The following MMEL1 variants were observed in gnomAD, a reference collection of about 807,000 sequenced individuals.
The protein encoded by MMEL1 is membrane metalloendopeptidase like 1, also known as membrane metallo-endopeptidase-like 1.
Under a neutral mutation model 117.1 loss-of-function variants are expected in MMEL1, and 98 were observed. The ratio of observed to expected loss-of-function variants is 0.84; its 90% confidence interval spans 0.71 to 0.99. The LOEUF is 0.99. Among genes scored for constraint, MMEL1 ranks in the 50% least tolerant of loss-of-function variants. The pLI is 0.00. For synonymous variants in MMEL1, 390 were observed against 415.1 expected, an observed-to-expected ratio of 0.94 and a Z score of 0.74; for missense variants, 1,014 against 1,049.1, an observed-to-expected ratio of 0.97 and a Z score of 0.46.
chr1:2,593,059 C>A, intron 19 of MMEL1, 93 bp from the exon 20 acceptor site: 1 of 1,501,820 alleles, frequency 6.7e-7, no homozygotes, highest in Non-Finnish European at 9.1e-7. Context: ...TCCTGCCCCT[C>A]CTGCAGCCAG....
chr1:2,601,902 C>G, intron 11 of MMEL1, among the ~76,000 whole-genome samples: 1 of 152,334 alleles, frequency 6.6e-6, no homozygotes, highest in Middle Eastern at 3.4e-3. Flanking sequence ...CCAGCACGGG[C>G]GAGGGTGTGG....
At chr1:2,621,972 C>T (rs1031215923) in intron 2 of MMEL1, among the ~76,000 whole-genome samples, 24 of 152,146 alleles carry the variant, frequency 1.6e-4, no homozygotes, top group African/African-American at 5.3e-4. Flanking sequence ...GGCTGTGTCA[C>T]GGGCCATTGG....
At chr1:2,620,582 G>A (rs997197586) in intron 2 of MMEL1, among the ~76,000 whole-genome samples, 2 of 152,080 alleles carry the variant, frequency 1.3e-5, no homozygotes, top group Admixed American at 6.6e-5. Flanking sequence ...GATAGGGCCT[G>A]TGAGGAGGTT....
At chr1:2,591,856 G>C in intron 22 of MMEL1, 76 bp downstream of exon 22, 1 of 1,434,936 alleles carries the variant, frequency 7.0e-7, no homozygotes, top group Middle Eastern at 1.8e-4. Context: ...CTGGTCCCTG[G>C]AGGTGCCCCA....
At position 2,598,773 on chromosome 1, in the gene MMEL1, C is replaced by T. The variant is rs1644886294; in HGVS notation, c.1059G>A (p.Leu353=). The T allele has an allele frequency of 6.2e-7, 1 of 1,613,790 alleles. No individual in the cohort carries two copies. The highest frequency in any genetic ancestry group is 1.3e-5 in the African/African-American group (1 of 75,006). The stretch of plus-strand genomic sequence containing the variant: ...CAGAGGATAGCACAGTTTGTATGAA[C>T]AGAGTCCAGTTAAATCCCTGCAGAT... The part of the protein sequence containing the change: ...QFGLKGFNWT[L]FIQTVLSSVK... The change falls in exon 12 of 24, where the codon CTG becomes CTA. Residue 353 remains leucine, a synonymous_variant. Transcript: ENST00000378412.
chr1:2,632,403 A>C (rs1638634251), intron 1 of MMEL1, among the ~76,000 whole-genome samples: 1 of 152,202 alleles, frequency 6.6e-6, no homozygotes, highest in African/African-American at 2.4e-5. Flanking sequence ...TGAATGGATC[A>C]ATCATTTGGA....
At position 2,594,421 on chromosome 1, in the gene MMEL1, C is replaced by T. The variant is rs1219173499; in HGVS notation, c.1711G>A (p.Val571Ile). ...CGGTTTGGGGAGTAGAACGCATTGA[C>T]CACCGCCGCCCCGATGATCCAGCTG... ...PNLWIIGAAV[V>I]NAFYSPNRNQ... Residue 571 changes from valine (V) to isoleucine (I), a missense_variant, in exon 18 of 24, where the codon GTC (valine) becomes ATC (isoleucine). By Grantham distance (29) the Val-to-Ile change is conservative. Transcript: ENST00000378412. The T allele has an allele frequency of 3.9e-6, 6 of 1,551,490 alleles. No homozygotes were observed. The Admixed American group carries it at 1.2e-4, about 30-fold the overall frequency.
chr1:2,632,269 C>A (rs1266771424), intron 1 of MMEL1, among the ~76,000 whole-genome samples: 2 of 152,218 alleles, frequency 1.3e-5, no homozygotes, highest in Non-Finnish European at 2.9e-5. Flanking sequence ...TTCTGCAGCC[C>A]CCTGGGAACG....
intron 6 of MMEL1, among the ~76,000 whole-genome samples, chr1:2,609,138 C>A (rs560822463): frequency 6.6e-6 from 1 of 151,900 alleles, no homozygotes; most frequent in Admixed American, 6.6e-5. Context: ...TGAGTGAGGC[C>A]GCAGGGCAGC....
In MMEL1 at chr1:2,619,722, T is replaced by A. The variant is rs542696494; in HGVS notation, c.155-7518A>T. On this transcript the variant is annotated intron_variant, in intron 2 of 23. Coordinates refer to ENST00000378412, the MANE Select transcript of MMEL1 (RefSeq NM_033467.4). Reference sequence around the variant, plus strand: ...AATAAAAAATCAATTTGAAAAAGGATCCATTGTAAATTCTAGAAATAAAAC... The same window carrying A: ...AATAAAAAATCAATTTGAAAAAGGAACCATTGTAAATTCTAGAAATAAAAC... Among the ~76,000 whole-genome samples the A allele has an allele frequency of 1.4e-4, 20 of 146,942 alleles. No individual in the cohort carries two copies. The South Asian group carries it at 4.3e-3, about 32-fold the overall frequency.
rs1644831593 is a variant in MMEL1, at chr1:2,595,986, C to G, written c.1500+23G>C. 2 of 1,606,748 alleles carry G rather than the reference C, an allele frequency of 1.2e-6. No individual in the cohort carries two copies. The highest frequency in any genetic ancestry group is 8.5e-7 in the Non-Finnish European group (1 of 1,173,750). The stretch of plus-strand genomic sequence containing the variant: ...CGTGCCCAGATCCAGTCGGGGCTGC[C>G]CTGACCTCTGCGAGCCACATACCTT... On this transcript the variant is annotated intron_variant, in intron 15 of 23. Coordinates refer to ENST00000378412, the MANE Select transcript of MMEL1 (RefSeq NM_033467.4). The surrounding 1 kb of genome is among the most constrained non-coding windows in gnomAD (Gnocchi z 4.8).
chr1:2,620,778 G>GAA (rs111447157), intron 2 of MMEL1, among the ~76,000 whole-genome samples: 58,500 of 148,030 alleles, frequency 0.4, 12,165 homozygotes, highest in African/African-American at 0.51. Context: ...ATAAAATAAT[G>GAA]AAAAAAAAAA....
At chr1:2,602,947 T>A (rs116044447) in intron 11 of MMEL1, among the ~76,000 whole-genome samples, 3,526 of 152,180 alleles carry the variant, frequency 0.023, 127 homozygotes, top group African/African-American at 0.068. Flanking sequence ...CACCGGAACC[T>A]CGATCGAGAT....
At chr1:2,610,641 T>C (rs1645110322) in intron 4 of MMEL1, among the ~76,000 whole-genome samples, 1 of 152,234 alleles carries the variant, frequency 6.6e-6, no homozygotes, top group African/African-American at 2.4e-5. Context: ...GGGTTGGCTT[T>C]GCCCCAGGAA....
intron 6 of MMEL1, 65 bp from the exon 7 acceptor site, chr1:2,607,134 T>C (rs371875726): frequency 5.5e-6 from 8 of 1,446,968 alleles, no homozygotes. Flanking sequence ...GACACAGAAC[T>C]GTGGGGGCGC....
At chr1:2,600,722 G>GTTGT (rs1553139878) in intron 11 of MMEL1, among the ~76,000 whole-genome samples, 4 of 150,610 alleles carry the variant, frequency 2.7e-5, no homozygotes, top group Non-Finnish European at 4.4e-5. Context: ...CAACCCCCCT[G>GTTGT]TTTTTTTACA....
chr1:2,592,064 C>T, intron 21 of MMEL1, 37 bp from the exon 22 acceptor site: 1 of 1,550,150 alleles, frequency 6.5e-7, no homozygotes, highest in African/African-American at 1.4e-5. Flanking sequence ...TCAGGCCTGC[C>T]AGCCTGGACT....
Position 2,595,389 on chromosome 1 carries a change from G to A in MMEL1, c.1501-30C>T, listed in dbSNP as rs780173150. On this transcript the variant is annotated intron_variant, in intron 15 of 23. Transcript: ENST00000378412. This position sits in a 1 kb window ranked among gnomAD's most constrained non-coding sequence, Gnocchi z 4.8. ...GTGGGGAGGAGGGACTGGTCAGTGG[G>A]TGCCCCACTGCGGATGGAGTCAGCC... is the stretch of plus-strand genomic sequence containing the variant. 16 of 1,602,700 alleles carry A rather than the reference G, an allele frequency of 1.0e-5. No individual in the cohort carries two copies. The East Asian group carries it at 3.1e-4, about 31-fold the overall frequency.
intron 2 of MMEL1, among the ~76,000 whole-genome samples, chr1:2,613,776 G>T (rs892328169): frequency 6.6e-6 from 1 of 152,098 alleles, no homozygotes; most frequent in Non-Finnish European, 1.5e-5. Flanking sequence ...GCTTGAGCCC[G>T]GGAGGTTGAG....
Sources: allele counts gnomAD v4.1 joint callset (sites outside exome capture counted in the v4.1 genomes callset), GRCh38; gene constraint gnomAD v4.1.1; non-coding constraint Gnocchi (gnomAD v3.1); transcripts MANE v1.5; gene names NCBI Gene and HGNC (gene_info 2026-07-23, HGNC 2026-07-21).